Variants in EPHA10 observed in about 807,000 individuals in gnomAD.
EPHA10 encodes the protein EPH receptor A10.
A neutral mutation model predicts 109.7 loss-of-function variants in EPHA10; 120 were observed. That is an observed-to-expected ratio of 1.09 (90% CI 0.94 to 1.27). The LOEUF is 1.27. Among genes scored for constraint, EPHA10 ranks in the 50% most tolerant of loss-of-function variants. EPHA10 has a pLI of 0.00. For synonymous variants in EPHA10, 640 were observed against 618.9 expected, an observed-to-expected ratio of 1.03 and a Z score of -0.51; for missense variants, 1,396 against 1,411.1, an observed-to-expected ratio of 0.99 and a Z score of 0.17.
Position 37,722,002 on chromosome 1 carries a change from A to G in EPHA10, c.1961-157T>C. 4.6e-6 allele frequency: 3 copies of G among 649,110 alleles called. No individual in the cohort carries two copies. In the East Asian group the frequency reaches 9.8e-5, roughly 21 times the overall value. 40.2% of individuals were successfully genotyped at this position (649,110 alleles called of 1,614,324 possible). ...AAAAATTAACCAGACAAGGTGGCACATGCCTGTAATCCCAGCTACTTGAGA... is the reference window on the plus strand; with the variant it reads ...AAAAATTAACCAGACAAGGTGGCACGTGCCTGTAATCCCAGCTACTTGAGA... On this transcript the variant is annotated intron_variant, in intron 10 of 16. Transcript: ENST00000373048.
At chr1:37,727,308 T>A in intron 7 of EPHA10, 98 bp from the exon 8 acceptor site, 1 of 970,412 alleles carries the variant, frequency 1.0e-6, no homozygotes, top group Non-Finnish European at 1.5e-6. Flanking sequence ...AGGATTCCCA[T>A]AGCACCTCTG....
In EPHA10 at chr1:37,716,615, C is replaced by A. The variant is rs1175524318; in HGVS notation, c.*1757G>T. ...GCTGCTGGCAGGGTAAGGCCAAAGG[C>A]ACCTCTGTGAGTCACTGTCCCCCAC... On this transcript the variant is annotated 3_prime_UTR_variant, in exon 17 of 17. Transcript: ENST00000373048. The A allele has an allele frequency of 8.6e-6, 2 of 232,554 alleles. No homozygotes were observed. The highest frequency in any genetic ancestry group is 1.7e-5 in the Non-Finnish European group (2 of 117,802). The allele number at this position is 232,554 out of a possible 1,614,324, so 14.4% of individuals were successfully genotyped here. A position where few individuals can be genotyped will look rare whatever the true frequency, so the allele number is the denominator to read the frequency against.
chr1:37,739,269 G>A (rs1002101207), intron 5 of EPHA10, among the ~76,000 whole-genome samples: 1 of 152,104 alleles, frequency 6.6e-6, no homozygotes, highest in Non-Finnish European at 1.5e-5. Context: ...AATGAACCTC[G>A]AAGACACTAT....
chr1:37,731,622 T>C, intron 6 of EPHA10, 40 bp from the exon 7 acceptor site: 1 of 1,568,144 alleles, frequency 6.4e-7, no homozygotes, highest in East Asian at 2.3e-5. Context: ...CAGCGCCAGA[T>C]CCACTGTTCT....
At chr1:37,761,234 G>A (rs1646426944) in intron 3 of EPHA10, 171 bp downstream of exon 3, 12 of 1,497,812 alleles carry the variant, frequency 8.0e-6, no homozygotes, top group Non-Finnish European at 1.1e-5. Context: ...GGCCCTGACT[G>A]GACTCACTGG....
At chr1:37,715,416 C>T (rs1645677119), downstream of EPHA10, among the ~76,000 whole-genome samples, 1 of 152,128 alleles carries the variant, frequency 6.6e-6, no homozygotes, top group Non-Finnish European at 1.5e-5. Flanking sequence ...CCCCTTCATC[C>T]AGGTGCCTCC....
intron 10 of EPHA10, 107 bp downstream of exon 10, chr1:37,722,934 G>A (rs776874037): frequency 3.2e-6 from 5 of 1,542,480 alleles, no homozygotes; most frequent in Non-Finnish European, 4.5e-6. Context: ...GCAGAGACCT[G>A]GGTGGAGGTG....
At chr1:37,720,588 C>A in intron 12 of EPHA10, 34 bp from the exon 13 acceptor site, 2 of 1,584,612 alleles carry the variant, frequency 1.3e-6, no homozygotes, top group South Asian at 1.1e-5. Flanking sequence ...CAGGGCTGTG[C>A]GCTTGGATCC....
chr1:37,732,668 A>C (rs1243619412), intron 6 of EPHA10, among the ~76,000 whole-genome samples: 2 of 151,992 alleles, frequency 1.3e-5, no homozygotes, highest in Non-Finnish European at 2.9e-5. Flanking sequence ...GGGCATTGGC[A>C]ACGTGCCGTA....
intron 7 of EPHA10, 141 bp from the exon 8 acceptor site, chr1:37,727,351 C>A: frequency 1.6e-6 from 1 of 611,628 alleles, no homozygotes; most frequent in Non-Finnish European, 2.7e-6. Context: ...ACAGAGGCGC[C>A]AAGGCAGTCC....
intron 5 of EPHA10, among the ~76,000 whole-genome samples, chr1:37,738,616 A>C (rs1646106093): frequency 1.3e-5 from 2 of 152,188 alleles, no homozygotes; most frequent in Non-Finnish European, 2.9e-5. Context: ...TCCTTAAAAA[A>C]TTATAATTAC....
At chr1:37,731,275 A>C (rs1645977018) in intron 7 of EPHA10, 136 bp downstream of exon 7, 2 of 899,964 alleles carry the variant, frequency 2.2e-6, no homozygotes, top group Non-Finnish European at 1.6e-6. Context: ...GGCTGTAATT[A>C]ATTAAACTGT....
chr1:37,737,223 A>G (rs1646084081), intron 5 of EPHA10, among the ~76,000 whole-genome samples: 1 of 152,174 alleles, frequency 6.6e-6, no homozygotes, highest in Non-Finnish European at 1.5e-5. Context: ...CCAAGGTGAG[A>G]GAATCACTTG....
Position 37,731,589 on chromosome 1 carries a change from A to G in EPHA10, c.1492-7T>C, listed in dbSNP as rs769787000. On this transcript the variant is annotated splice_polypyrimidine_tract_variant and splice_region_variant and intron_variant, in intron 6 of 16. Transcript: ENST00000373048. ...AAGTCTGCTCACTCTGACCCTGGAG[A>G]GAGATCAAGAAGTGAAGCCCACCAG... 2 of 1,599,458 alleles carry G rather than the reference A, an allele frequency of 1.3e-6. No homozygotes were observed. Among genetic ancestry groups the G allele is most frequent in the Admixed American group, 3.5e-5 (2 of 57,958 alleles).
intron 3 of EPHA10, among the ~76,000 whole-genome samples, chr1:37,759,418 G>GA (rs1219585522): frequency 5.9e-5 from 9 of 151,878 alleles, no homozygotes; most frequent in Admixed American, 1.3e-4. Flanking sequence ...AGCTGCCTGG[G>GA]AAAAAAAAAC....
Position 37,717,141 on chromosome 1 carries a change from G to A in EPHA10, c.*1231C>T, listed in dbSNP as rs952328945. The A allele has an allele frequency of 8.8e-6, 2 of 227,584 alleles. No individual in the cohort carries two copies. The highest frequency in any genetic ancestry group is 2.2e-5 in the African/African-American group (1 of 45,028). The allele number at this position is 227,584 out of a possible 1,614,324, so 14.1% of individuals were successfully genotyped here. ...TCCAGCTGCCTTCCTGCCACCCTAC[G>A]AAAGCTCTGGCATACTGGGCCCCAC... On this transcript the variant is annotated 3_prime_UTR_variant, in exon 17 of 17. Transcript: ENST00000373048.
chr1:37,744,407 C>T (rs1056574595), intron 5 of EPHA10, among the ~76,000 whole-genome samples: 2 of 151,746 alleles, frequency 1.3e-5, no homozygotes, highest in Non-Finnish European at 2.9e-5. Flanking sequence ...GTAATCCCAG[C>T]TACTCGGGAG....
intron 4 of EPHA10, among the ~76,000 whole-genome samples, chr1:37,753,831 A>C (rs1213947452): frequency 6.7e-6 from 1 of 149,962 alleles, no homozygotes; most frequent in Non-Finnish European, 1.5e-5. Flanking sequence ...ATTTGGGAGG[A>C]GGTTAGTGAG....
At chr1:37,728,052 A>G (rs1213779608) in intron 7 of EPHA10, among the ~76,000 whole-genome samples, 1 of 152,250 alleles carries the variant, frequency 6.6e-6, no homozygotes, top group Non-Finnish European at 1.5e-5. Flanking sequence ...CAGAGGCACA[A>G]TAATTTCTTC....
Sources: gnomAD v4.1 joint callset for allele counts (sites outside exome capture counted in the v4.1 genomes callset) on GRCh38, gnomAD v4.1.1 for gene constraint, MANE v1.5 for transcripts, NCBI Gene and HGNC (gene_info 2026-07-23, HGNC 2026-07-21) for gene names.